PCDHA3: variants seen among roughly 807,000 people sequenced by gnomAD.
PCDHA3 encodes protocadherin alpha-3.
A neutral mutation model predicts 62.2 loss-of-function variants in PCDHA3; 41 were observed. The observed-to-expected ratio is 0.66, with a 90% CI of 0.51 to 0.86. The LOEUF is 0.86. Ranked by LOEUF, PCDHA3 falls within the 40% of genes least tolerant of loss-of-function variation. The probability of loss-of-function intolerance (pLI) is 0.00; values close to 1 mark genes in which losing one functional copy is unlikely to be tolerated. For synonymous variants in PCDHA3, 640 were observed against 555.4 expected, an observed-to-expected ratio of 1.15 and a Z score of -2.14; for missense variants, 1,304 against 1,241.2, an observed-to-expected ratio of 1.05 and a Z score of -0.76.
intron 1 of PCDHA3, chr5:140,968,830 C>G: frequency 6.2e-7 from 1 of 1,614,198 alleles, no homozygotes; most frequent in Non-Finnish European, 8.5e-7. Context: ...CCAAAATCCT[C>G]CCTGACACTC....
chr5:140,912,343 A>AT (rs35252606), intron 1 of PCDHA3, among the ~76,000 whole-genome samples: 1,442 of 143,856 alleles, frequency 0.01, 7 homozygotes, highest in South Asian at 0.021. Flanking sequence ...TACACTAAGT[A>AT]TTTTTTTTTT....
chr5:140,861,502 T>A, intron 1 of PCDHA3: 1 of 482,002 alleles, frequency 2.1e-6, no homozygotes. Context: ...CTGATAGACC[T>A]CGAGGAGCTG....
chr5:140,924,907 A>AAT (rs1554202344), intron 1 of PCDHA3, among the ~76,000 whole-genome samples: 14 of 50,940 alleles, frequency 2.7e-4, no homozygotes, highest in African/African-American at 6.9e-4. Context: ...AAAAAAAAAT[A>AAT]AAATAAAATA....
intron 1 of PCDHA3, chr5:140,848,709 G>T: frequency 6.3e-7 from 1 of 1,592,420 alleles, no homozygotes; most frequent in African/African-American, 1.3e-5. Context: ...CAAAGGCCGC[G>T]GGGACCTTCT....
At chr5:140,869,400 C>G (rs782134920) in intron 1 of PCDHA3, 3 of 1,614,144 alleles carry the variant, frequency 1.9e-6, no homozygotes, top group Middle Eastern at 3.3e-4. Context: ...GCGGGCAGAG[C>G]GCGGAGTGCA....
Position 140,993,460 on chromosome 5 carries a change from T to TCC in PCDHA3, c.2542+10898_2542+10899insCC, listed in dbSNP as rs1554253699. ...TTCATTCCTGTTCTCCTTCTTTCTT[T>TCC]CTCACACACACACACACACACACAC... On this transcript the variant is annotated intron_variant, in intron 3 of 3. Coordinates refer to ENST00000522353, the MANE Select transcript of PCDHA3 (RefSeq NM_018906.3). Among the ~76,000 whole-genome samples, 535 of 104,558 alleles carry TCC rather than the reference T, an allele frequency of 5.1e-3. 5 individuals carry two copies. Among genetic ancestry groups the TCC allele is most frequent in the African/African-American group, 0.02 (517 of 25,554 alleles). The allele number at this position is 104,558 out of a possible 152,430, so 68.6% of individuals were successfully genotyped here. A position where few individuals can be genotyped will look rare whatever the true frequency, so the allele number is the denominator to read the frequency against.
Position 140,829,464 on chromosome 5 carries a change from C to T in PCDHA3, c.2394+25873C>T. 1 of 1,613,860 alleles carries T rather than the reference C, an allele frequency of 6.2e-7. No homozygotes were observed. Among genetic ancestry groups the T allele is most frequent in the Non-Finnish European group, 8.5e-7 (1 of 1,180,028 alleles). ...GACAATGCTCCGGCGTTCGCGCAGC[C>T]CGAGTACACAGTGTTCGTGAAGGAG... is the stretch of plus-strand genomic sequence containing the variant. On this transcript the variant is annotated intron_variant, in intron 1 of 3. Coordinates refer to ENST00000522353, the MANE Select transcript of PCDHA3 (RefSeq NM_018906.3).
At chr5:141,009,147 C>A (rs1193433198) in intron 3 of PCDHA3, among the ~76,000 whole-genome samples, 1 of 152,332 alleles carries the variant, frequency 6.6e-6, no homozygotes, top group Admixed American at 6.5e-5. Flanking sequence ...AACCTGCCCT[C>A]TTGCTTGTCT....
rs199847007 is a variant in PCDHA3, at chr5:140,883,896, C to A, written c.2394+80305C>A. ...GTGAGCGCGCGCGACTCTGGCGTGC[C>A]GCCTCTGGGCAGCAACGTGACGCTG... On this transcript the variant is annotated intron_variant, in intron 1 of 3. Transcript: ENST00000522353. The A allele has an allele frequency of 3.1e-6, 5 of 1,613,386 alleles. 1 individual carries two copies. In the South Asian group the frequency reaches 4.4e-5, roughly 14 times the overall value.
At chr5:140,837,219 T>A (rs935838463) in intron 1 of PCDHA3, 1 of 152,352 alleles carries the variant, frequency 6.6e-6, no homozygotes, top group African/African-American at 2.4e-5. Context: ...ACTTGAATTT[T>A]AAGCATTTCT....
chr5:140,824,001 C>A (rs1210626259), intron 1 of PCDHA3: 6 of 1,613,960 alleles, frequency 3.7e-6, no homozygotes, highest in African/African-American at 2.7e-5. Flanking sequence ...TGTGCTCCAG[C>A]GCGGTGGGGA....
chr5:140,824,077 C>T, intron 1 of PCDHA3: 1 of 1,614,210 alleles, frequency 6.2e-7, no homozygotes, highest in South Asian at 1.1e-5. Flanking sequence ...CAAAACAGAC[C>T]TCATGGCCTT....
At chr5:140,838,888 C>G (rs2150293453) in intron 1 of PCDHA3, among the ~76,000 whole-genome samples, 1 of 151,810 alleles carries the variant, frequency 6.6e-6, no homozygotes, top group East Asian at 1.9e-4. Flanking sequence ...GAACTCCAGC[C>G]TAGGTGACAG....
At chr5:140,860,726 G>T (rs73263824) in intron 1 of PCDHA3, 23,037 of 152,060 alleles carry the variant, frequency 0.15, 1,806 homozygotes, top group Middle Eastern at 0.2. Context: ...AGTTTTTTTG[G>T]TTTTTTTGTT....
At position 140,849,851 on chromosome 5, in the gene PCDHA3, A is replaced by T. The variant is rs148732691; in HGVS notation, c.2394+46260A>T. On this transcript the variant is annotated intron_variant, in intron 1 of 3. Coordinates refer to ENST00000522353, the MANE Select transcript of PCDHA3 (RefSeq NM_018906.3). Reference sequence around the variant, plus strand: ...AGGTGGCCGACGTGAACGACAACGCACCAGCGTTCGCGCAGTCCGAGTACA... The same window carrying T: ...AGGTGGCCGACGTGAACGACAACGCTCCAGCGTTCGCGCAGTCCGAGTACA... The T allele has an allele frequency of 4.9e-4, 784 of 1,598,368 alleles. 43 individuals are homozygous for T. The African/African-American group carries it at 9.3e-3, about 19-fold the overall frequency.
chr5:140,879,027 G>C (rs2057822967), intron 1 of PCDHA3, among the ~76,000 whole-genome samples: 1 of 152,184 alleles, frequency 6.6e-6, no homozygotes, highest in African/African-American at 2.4e-5. Context: ...TTTTATTGAA[G>C]AGTGTCTTGA....
chr5:140,843,234 A>G, intron 1 of PCDHA3: 2 of 1,595,886 alleles, frequency 1.3e-6, no homozygotes, highest in African/African-American at 1.3e-5. Context: ...CGTGTCCTGG[A>G]CGAAGCGGAC....
At chr5:140,863,062 G>T (rs62384481) in intron 1 of PCDHA3, 19 of 565,590 alleles carry the variant, frequency 3.4e-5, no homozygotes, top group Non-Finnish European at 5.9e-5. Flanking sequence ...CCCGTTCCAC[G>T]TGGGGCTCTG....
rs934481202 is a variant in PCDHA3, at chr5:140,902,279, C to A, written c.2395-76670C>A. On this transcript the variant is annotated intron_variant, in intron 1 of 3. Coordinates refer to ENST00000522353, the MANE Select transcript of PCDHA3 (RefSeq NM_018906.3). ...TCTCGAACTCCTGGGCTCAAGCAATCCTCCTGCCTCAGCCTCCCAAAGTGC... is the reference window on the plus strand; with the variant it reads ...TCTCGAACTCCTGGGCTCAAGCAATACTCCTGCCTCAGCCTCCCAAAGTGC... Among the ~76,000 whole-genome samples the A allele has an allele frequency of 2.7e-5, 4 of 148,452 alleles. No individual in the cohort carries two copies. The Admixed American group carries it at 2.7e-4, about 10-fold the overall frequency.
Sources: gnomAD v4.1 joint callset for allele counts (sites outside exome capture counted in the v4.1 genomes callset) on GRCh38, gnomAD v4.1.1 for gene constraint, MANE v1.5 for transcripts, NCBI Gene and HGNC (gene_info 2026-07-23, HGNC 2026-07-21) for gene names.